Variants in ADCY9 observed in about 807,000 individuals in gnomAD.
ADCY9 encodes the protein adenylate cyclase 9.
ADCY9 carries 50 observed loss-of-function variants against 101.5 expected under a neutral mutation model. That is an observed-to-expected ratio of 0.49 (90% CI 0.39 to 0.62). The LOEUF (loss-of-function observed/expected upper bound fraction) is 0.62. Ranked by LOEUF, ADCY9 falls within the 20% of genes least tolerant of loss-of-function variation. The pLI is 0.00. For synonymous variants in ADCY9, 905 were observed against 769.3 expected, an observed-to-expected ratio of 1.18 and a Z score of -2.92; for missense variants, 1,662 against 1,800.4, an observed-to-expected ratio of 0.92 and a Z score of 1.39.
chr16:4,084,081 A>G (rs2056922116), intron 2 of ADCY9, among the ~76,000 whole-genome samples: 1 of 152,012 alleles, frequency 6.6e-6, no homozygotes, highest in East Asian at 1.9e-4. Context: ...CAGGTGAATT[A>G]CATCTCAATA....
chr16:4,077,469 G>A (rs561537400), intron 2 of ADCY9, among the ~76,000 whole-genome samples: 5 of 152,134 alleles, frequency 3.3e-5, no homozygotes, highest in Admixed American at 1.3e-4. Flanking sequence ...ATTATTTCCT[G>A]CACATTACAT....
At chr16:3,974,632 C>A (rs762414680) in intron 10 of ADCY9, 37 bp downstream of exon 10, 4 of 1,582,538 alleles carry the variant, frequency 2.5e-6, no homozygotes, top group East Asian at 2.2e-5. Flanking sequence ...CAGTCACTCT[C>A]GTTTATTCAG....
intron 2 of ADCY9, among the ~76,000 whole-genome samples, 174 bp from the exon 3 acceptor site, chr16:4,007,732 T>C (rs993835801): frequency 1.3e-5 from 2 of 152,118 alleles, no homozygotes; most frequent in Non-Finnish European, 2.9e-5. Flanking sequence ...AGATGCGGCC[T>C]CAGGGAGACC....
intron 2 of ADCY9, among the ~76,000 whole-genome samples, chr16:4,056,336 C>T (rs2056737893): frequency 6.6e-6 from 1 of 152,290 alleles, no homozygotes; most frequent in East Asian, 1.9e-4. Flanking sequence ...CTCACTGTAA[C>T]CTCCGCTCCC....
At chr16:4,017,742 T>C (rs1340005306) in intron 2 of ADCY9, among the ~76,000 whole-genome samples, 3 of 151,226 alleles carry the variant, frequency 2.0e-5, no homozygotes, top group East Asian at 3.9e-4. Context: ...AAATTCAACA[T>C]AGCAAAAGTT....
In ADCY9 at chr16:4,017,516, C is replaced by T. The variant is rs552601912; in HGVS notation, c.1694-9958G>A. ...AAAATTAGCCAGGCGTGGTGATGCA[C>T]GCCTGTAATCCCAGCTACTTGGGAG... is the stretch of plus-strand genomic sequence containing the variant. On this transcript the variant is annotated intron_variant, in intron 2 of 10. Coordinates refer to ENST00000294016, the MANE Select transcript of ADCY9 (RefSeq NM_001116.4). 8.0e-5 allele frequency among the ~76,000 whole-genome samples: 11 copies of T among 137,596 alleles called. 1 individual carries two copies. Among genetic ancestry groups the T allele is most frequent in the Admixed American group, 3.7e-4 (4 of 10,884 alleles). The allele number at this position is 137,596 out of a possible 152,430, so 90.3% of individuals were successfully genotyped here.
At chr16:3,995,604 T>TC (rs200173203) in intron 3 of ADCY9, among the ~76,000 whole-genome samples, 2 of 71,240 alleles carry the variant, frequency 2.8e-5, no homozygotes, top group Non-Finnish European at 3.0e-5. Flanking sequence ...AAGAAATATA[T>TC]TTTTTTTTTT....
At chr16:3,988,869 G>A in intron 6 of ADCY9, 125 bp downstream of exon 6, 1 of 758,140 alleles carries the variant, frequency 1.3e-6, no homozygotes, top group South Asian at 1.6e-5. Context: ...GGTTTACAGA[G>A]TGTGGGAAAT....
chr16:3,959,362 C>CAAAAA (rs71133675), downstream of ADCY9, among the ~76,000 whole-genome samples: 5 of 133,556 alleles, frequency 3.7e-5, no homozygotes, highest in African/African-American at 1.2e-4. Context: ...ACTCTTATCT[C>CAAAAA]AAAAAAAAAA....
chr16:4,091,715 C>A (rs781447958), intron 2 of ADCY9, among the ~76,000 whole-genome samples: 2 of 152,210 alleles, frequency 1.3e-5, no homozygotes, highest in African/African-American at 4.8e-5. Flanking sequence ...CACAAAGCCA[C>A]GTATCCTACG....
intron 2 of ADCY9, among the ~76,000 whole-genome samples, chr16:4,094,111 A>T (rs2056988976): frequency 6.6e-6 from 1 of 152,212 alleles, no homozygotes; most frequent in South Asian, 2.1e-4. Flanking sequence ...AGCGTTAATT[A>T]TGTTAATCCA....
chr16:4,036,717 C>T (rs1309460481), intron 2 of ADCY9, among the ~76,000 whole-genome samples: 1 of 152,030 alleles, frequency 6.6e-6, no homozygotes, highest in Non-Finnish European at 1.5e-5. Flanking sequence ...CTGTCTTGGC[C>T]TCCCAAAGTG....
intron 2 of ADCY9, among the ~76,000 whole-genome samples, chr16:4,093,702 T>C (rs766799544): frequency 1.8e-4 from 28 of 152,312 alleles, no homozygotes; most frequent in Non-Finnish European, 2.5e-4. Flanking sequence ...GAGGCTGCAA[T>C]GAGCTGAGAT....
At chr16:4,101,747 GA>G (rs1317895924) in intron 2 of ADCY9, among the ~76,000 whole-genome samples, 2 of 151,722 alleles carry the variant, frequency 1.3e-5, no homozygotes, top group African/African-American at 2.4e-5. Flanking sequence ...CAGTACAGTT[GA>G]AAAAAACCAC....
Position 3,992,565 on chromosome 16 carries a change from G to A in ADCY9, c.1990-202C>T, listed in dbSNP as rs371744954. Among the ~76,000 whole-genome samples the A allele has an allele frequency of 1.3e-5, 2 of 152,150 alleles. No individual in the cohort carries two copies. The highest frequency in any genetic ancestry group is 6.5e-5 in the Admixed American group (1 of 15,274). ...CCTGACTGCCCGTCTGCTCCTTCCT[G>A]TTACCCAACAGTGCCCAGTGGTAAC... is the stretch of plus-strand genomic sequence containing the variant. On this transcript the variant is annotated intron_variant, in intron 4 of 10. Coordinates refer to ENST00000294016, the MANE Select transcript of ADCY9 (RefSeq NM_001116.4). The surrounding 1 kb of genome is among the most constrained non-coding windows in gnomAD (Gnocchi z 4.2).
At chr16:4,009,251 A>ATGTTT (rs113201607) in intron 2 of ADCY9, among the ~76,000 whole-genome samples, 5 of 151,004 alleles carry the variant, frequency 3.3e-5, no homozygotes, top group African/African-American at 4.9e-5. Context: ...GAAACTCTTC[A>ATGTTT]TGTTTTGTTT....
intron 2 of ADCY9, among the ~76,000 whole-genome samples, chr16:4,082,914 T>C (rs1199424626): frequency 6.6e-6 from 1 of 152,228 alleles, no homozygotes; most frequent in Non-Finnish European, 1.5e-5. Context: ...CTGCTTAGTT[T>C]CCATGCCAGT....
chr16:4,083,440 A>G (rs1203261178), intron 2 of ADCY9, among the ~76,000 whole-genome samples: 1 of 152,210 alleles, frequency 6.6e-6, no homozygotes, highest in African/African-American at 2.4e-5. Flanking sequence ...ACTTTAAAAC[A>G]AACTCCAGAC....
chr16:3,983,755 T>A lies in ADCY9; in HGVS notation c.2311-315A>T, dbSNP rs139941022. On this transcript the variant is annotated intron_variant, in intron 6 of 10. Transcript: ENST00000294016. ...GCCAGCGTAACACAGTGAGACTCCA[T>A]CTCTACAAAAAACTTTAAAATTAGC... is the stretch of plus-strand genomic sequence containing the variant. 7 of 341,178 alleles carry A rather than the reference T, an allele frequency of 2.1e-5. No homozygotes were observed. In the East Asian group the frequency reaches 3.9e-4, roughly 19 times the overall value. The allele number at this position is 341,178 out of a possible 1,614,324, so 21.1% of individuals were successfully genotyped here.
Sources: allele counts gnomAD v4.1 joint callset (sites outside exome capture counted in the v4.1 genomes callset), GRCh38; gene constraint gnomAD v4.1.1; non-coding constraint Gnocchi (gnomAD v3.1); transcripts MANE v1.5; gene names NCBI Gene and HGNC (gene_info 2026-07-23, HGNC 2026-07-21).